ALDH7A1: variants seen among roughly 807,000 people sequenced by gnomAD.
ALDH7A1 encodes the protein aldehyde dehydrogenase 7 family member A1.
A neutral mutation model predicts 79.9 loss-of-function variants in ALDH7A1; 63 were observed. The observed-to-expected ratio is 0.79, with a 90% CI of 0.64 to 0.97. The LOEUF (loss-of-function observed/expected upper bound fraction) is 0.97. ALDH7A1 is among the 50% of genes least tolerant of loss of function. ALDH7A1 has a pLI of 0.00. For missense variants in ALDH7A1, 627 were observed against 665.2 expected, an observed-to-expected ratio of 0.94 and a Z score of 0.63; for synonymous variants, 240 against 231.2, an observed-to-expected ratio of 1.04 and a Z score of -0.34.
intron 17 of ALDH7A1, 123 bp from the exon 18 acceptor site, chr5:126,545,142 T>G: frequency 2.7e-6 from 2 of 735,210 alleles, no homozygotes; most frequent in Middle Eastern, 2.4e-4. Context: ...TTACAACTTT[T>G]TAAGACAAAC....
In ALDH7A1 at chr5:126,544,781, A is replaced by C. The variant is rs1470623133; in HGVS notation, c.*184T>G. 1 of 603,588 alleles carries C rather than the reference A, an allele frequency of 1.7e-6. No homozygotes were observed. The highest frequency in any genetic ancestry group is 2.9e-6 in the Non-Finnish European group (1 of 340,878). The allele number at this position is 603,588 out of a possible 1,614,324, so 37.4% of individuals were successfully genotyped here. A position where few individuals can be genotyped will look rare whatever the true frequency, so the allele number is the denominator to read the frequency against. ...TAGTAACTATGGCTATGTTGTAACA[A>C]TTTTATTTTGATTTTTAAAAAAGGA... On this transcript the variant is annotated 3_prime_UTR_variant, in exon 18 of 18. Transcript: ENST00000409134.
chr5:126,562,789 A>C (rs1249410298), intron 9 of ALDH7A1, among the ~76,000 whole-genome samples: 2 of 152,200 alleles, frequency 1.3e-5, no homozygotes, highest in Admixed American at 6.5e-5. Flanking sequence ...CAGAGGTTAC[A>C]GTGAACTGAG....
intron 9 of ALDH7A1, among the ~76,000 whole-genome samples, chr5:126,563,542 T>C (rs112028587): frequency 0.2 from 30,892 of 152,116 alleles, 3,315 homozygotes; most frequent in Middle Eastern, 0.28. Context: ...CAGGCTGGAG[T>C]GCAGTGGCGT....
intron 16 of ALDH7A1, among the ~76,000 whole-genome samples, chr5:126,546,760 G>A (rs1749800777): frequency 1.3e-5 from 2 of 152,008 alleles, no homozygotes; most frequent in South Asian, 4.2e-4. Flanking sequence ...CAGGGCACAA[G>A]AATATGGGAG....
intron 9 of ALDH7A1, chr5:126,567,945 C>T (rs36120385): frequency 5.9e-6 from 2 of 341,562 alleles, no homozygotes; most frequent in South Asian, 2.5e-5. Flanking sequence ...CACCACGCCC[C>T]GCTAATTTTT....
chr5:126,563,780 C>T (rs776638288), intron 9 of ALDH7A1, among the ~76,000 whole-genome samples: 3 of 151,916 alleles, frequency 2.0e-5, no homozygotes, highest in Non-Finnish European at 2.9e-5. Context: ...CTTGAGCCAT[C>T]GCAACCGGCC....
intron 6 of ALDH7A1, among the ~76,000 whole-genome samples, chr5:126,576,117 G>A (rs1032406494): frequency 2.6e-5 from 4 of 152,024 alleles, no homozygotes; most frequent in Non-Finnish European, 5.9e-5. Flanking sequence ...AAAAAAATTA[G>A]CCGGGCGTGG....
intron 1 of ALDH7A1, chr5:126,593,680 C>G: frequency 1.8e-6 from 1 of 568,234 alleles, no homozygotes; most frequent in Non-Finnish European, 3.1e-6. Flanking sequence ...GTTATTTTGT[C>G]TCTTTTTCCA....
chr5:126,550,073 T>C, intron 15 of ALDH7A1, 71 bp from the exon 16 acceptor site: 1 of 1,580,852 alleles, frequency 6.3e-7, no homozygotes, highest in South Asian at 1.1e-5. Context: ...AAATAAAAAA[T>C]CTAAACCAAA....
intron 4 of ALDH7A1, 98 bp downstream of exon 4, chr5:126,583,834 T>A: frequency 4.9e-6 from 5 of 1,015,664 alleles, no homozygotes; most frequent in Non-Finnish European, 6.0e-6. Flanking sequence ...CAAGACTCCA[T>A]CTCAAAAAAA....
rs201948406 is a variant in ALDH7A1, at chr5:126,568,296, C to A, written c.834G>T (p.Val278=). ...GCACCATCAGGCCCACCTGTTTTCCCACCTGAGTGCTCCCAGTGAAGGACA... is the reference window on the plus strand; with the variant it reads ...GCACCATCAGGCCCACCTGTTTTCCAACCTGAGTGCTCCCAGTGAAGGACA... ...NLLSFTGSTQ[V]GKQVGLMVQE... is the part of the protein sequence containing the mutation. The change falls in exon 9 of 18, where the codon GTG becomes GTT. Residue 278 remains valine, a synonymous_variant. Coordinates refer to ENST00000409134, the MANE Select transcript of ALDH7A1 (RefSeq NM_001182.5). 21 of 1,614,174 alleles carry A rather than the reference C, an allele frequency of 1.3e-5. No individual in the cohort carries two copies. In the South Asian group the frequency reaches 2.2e-4, roughly 17 times the overall value.
chr5:126,582,864 G>A lies in ALDH7A1; in HGVS notation c.504C>T (p.Ile168=). ...VGLSRMIGGP[I]LPSERSGHAL... is the part of the protein sequence containing the mutation. ...TTCATTGCTTACTTTCAGAAGGCAA[G>A]ATAGGTCCTCCAATCATCCTTGATA... Residue 168 remains isoleucine (I), a synonymous_variant, in exon 5 of 18, where the codon ATC becomes ATT. Transcript: ENST00000409134. The A allele has an allele frequency of 1.9e-6, 3 of 1,612,390 alleles. No individual in the cohort carries two copies. Among genetic ancestry groups the A allele is most frequent in the African/African-American group, 1.3e-5 (1 of 74,952 alleles).
intron 4 of ALDH7A1, among the ~76,000 whole-genome samples, chr5:126,583,256 G>A (rs957512302): frequency 2.0e-5 from 3 of 151,064 alleles, no homozygotes; most frequent in East Asian, 2.0e-4. Context: ...CAAGGCGGGC[G>A]GATCACCTGA....
chr5:126,571,150 A>ATTTTTTTTTTTTTTTT (rs386404930), intron 7 of ALDH7A1: 6 of 206,678 alleles, frequency 2.9e-5, no homozygotes, highest in African/African-American at 1.6e-4. Flanking sequence ...CTATTAGCAG[A>ATTTTTTTTTTTTTTTT]TTTTTTTTTT....
intron 3 of ALDH7A1, among the ~76,000 whole-genome samples, chr5:126,585,869 A>G (rs1751344398): frequency 6.6e-6 from 1 of 152,166 alleles, no homozygotes. Context: ...TTAACTAAGC[A>G]GCTCTGCTTA....
intron 7 of ALDH7A1, among the ~76,000 whole-genome samples, chr5:126,571,710 T>C (rs1037138413): frequency 6.6e-6 from 1 of 151,992 alleles, no homozygotes. Context: ...GAATAAGACC[T>C]AGAACGATGA....
At chr5:126,572,494 A>G (rs1750809488) in intron 7 of ALDH7A1, among the ~76,000 whole-genome samples, 1 of 152,226 alleles carries the variant, frequency 6.6e-6, no homozygotes, top group Non-Finnish European at 1.5e-5. Flanking sequence ...GTTGAACTCT[A>G]GCACTGTTCT....
At chr5:126,556,913 T>C (rs1164995275) in intron 11 of ALDH7A1, among the ~76,000 whole-genome samples, 2 of 152,220 alleles carry the variant, frequency 1.3e-5, no homozygotes, top group Non-Finnish European at 2.9e-5. Context: ...TAATGGAATT[T>C]TTAAAAATAT....
chr5:126,574,044 A>C (rs1750877585), intron 7 of ALDH7A1, among the ~76,000 whole-genome samples: 1 of 151,406 alleles, frequency 6.6e-6, no homozygotes, highest in Non-Finnish European at 1.5e-5. Context: ...AAAAAAAAAA[A>C]AAGAAAACAT....
Sources: gnomAD v4.1 joint callset for allele counts (sites outside exome capture counted in the v4.1 genomes callset) on GRCh38, gnomAD v4.1.1 for gene constraint, MANE v1.5 for transcripts, NCBI Gene and HGNC (gene_info 2026-07-23, HGNC 2026-07-21) for gene names.